Variants in UBE2E2 observed in about 807,000 individuals in gnomAD.
UBE2E2 encodes the protein ubiquitin-conjugating enzyme E2 E2.
A neutral mutation model predicts 24.7 loss-of-function variants in UBE2E2; 6 were observed. That is an observed-to-expected ratio of 0.24 (90% confidence interval 0.13 to 0.48). The LOEUF is 0.48. UBE2E2 is among the 20% of genes least tolerant of loss of function. The probability of loss-of-function intolerance (pLI) is 0.99; values close to 1 mark genes in which losing one functional copy is unlikely to be tolerated. For missense variants in UBE2E2, 169 were observed against 245.0 expected, an observed-to-expected ratio of 0.69 and a Z score of 2.07; for synonymous variants, 104 against 83.6, an observed-to-expected ratio of 1.24 and a Z score of -1.33.
chr3:23,546,935 C>G (rs1238242702), intron 5 of UBE2E2, among the ~76,000 whole-genome samples: 1 of 151,972 alleles, frequency 6.6e-6, no homozygotes. Flanking sequence ...AGTATATATG[C>G]CAGTTATACA....
intron 3 of UBE2E2, among the ~76,000 whole-genome samples, chr3:23,346,609 A>T (rs537522022): frequency 3.9e-5 from 6 of 152,312 alleles, no homozygotes; most frequent in Admixed American, 6.5e-5. Context: ...AATTAATAAG[A>T]TGTTCTCTTT....
At chr3:23,253,224 G>A (rs557989833) in intron 3 of UBE2E2, among the ~76,000 whole-genome samples, 2 of 152,282 alleles carry the variant, frequency 1.3e-5, no homozygotes, top group East Asian at 3.9e-4. Context: ...CTTTTAAAAA[G>A]TATGTCTTTG....
chr3:23,422,972 C>A (rs1212437502), intron 3 of UBE2E2, among the ~76,000 whole-genome samples: 1 of 152,162 alleles, frequency 6.6e-6, no homozygotes, highest in Admixed American at 6.5e-5. Flanking sequence ...ATCACCTTCC[C>A]ATACTAGGAA....
At chr3:23,397,698 G>A (rs1008504408) in intron 3 of UBE2E2, among the ~76,000 whole-genome samples, 26 of 152,072 alleles carry the variant, frequency 1.7e-4, no homozygotes, top group Admixed American at 6.6e-5. Flanking sequence ...CATGTTGTAG[G>A]GAACTGTAAT....
chr3:23,317,605 G>A (rs1694621015), intron 3 of UBE2E2, among the ~76,000 whole-genome samples: 1 of 152,210 alleles, frequency 6.6e-6, no homozygotes, highest in Non-Finnish European at 1.5e-5. Flanking sequence ...GCAAGGAGGA[G>A]TAAGTCACAT....
intron 3 of UBE2E2, among the ~76,000 whole-genome samples, chr3:23,241,588 A>G (rs956012065): frequency 5.3e-5 from 8 of 151,574 alleles, no homozygotes; most frequent in Admixed American, 2.6e-4. Flanking sequence ...ATTTCCTCAA[A>G]TGTCATCTCG....
rs192882974 is a variant in UBE2E2 at position 23,346,769 on chromosome 3, C to A, written c.227+129457C>A. On this transcript the variant is annotated intron_variant, in intron 3 of 5. Coordinates refer to ENST00000396703, the MANE Select transcript of UBE2E2 (RefSeq NM_152653.4). The stretch of plus-strand genomic sequence containing the variant: ...TTTCTACTCATTATAGAGTCATGAA[C>A]AACTATGGAAAAACACACTTTGTTG... Among the ~76,000 whole-genome samples, 48 of 152,250 alleles carry A rather than the reference C, an allele frequency of 3.2e-4. 1 individual carries two copies. In the South Asian group the frequency reaches 5.8e-3, roughly 18 times the overall value.
intron 3 of UBE2E2, among the ~76,000 whole-genome samples, chr3:23,399,436 C>T (rs368567461): frequency 6.6e-6 from 1 of 152,134 alleles, no homozygotes; most frequent in East Asian, 1.9e-4. Context: ...GGATGATTTA[C>T]GTCCTGTATG....
At chr3:23,419,874 C>A (rs1270647720) in intron 3 of UBE2E2, among the ~76,000 whole-genome samples, 1 of 152,184 alleles carries the variant, frequency 6.6e-6, no homozygotes, top group Non-Finnish European at 1.5e-5. Context: ...TCCCTTTCCT[C>A]TCTCTTGCTC....
chr3:23,484,238 AGCTTAATT>A (rs984306499), intron 3 of UBE2E2, among the ~76,000 whole-genome samples: 5 of 152,164 alleles, frequency 3.3e-5, no homozygotes, highest in African/African-American at 4.8e-5. Flanking sequence ...TTTCCAGCCC[AGCTTAATT>A]GCTTAATTGC....
intron 5 of UBE2E2, among the ~76,000 whole-genome samples, chr3:23,539,012 A>G (rs1274188211): frequency 6.6e-6 from 1 of 152,202 alleles, no homozygotes; most frequent in Admixed American, 6.5e-5. Flanking sequence ...GAGAAAGGAA[A>G]GCCAAAATTA....
intron 3 of UBE2E2, among the ~76,000 whole-genome samples, chr3:23,411,059 T>C (rs1390859681): frequency 1.3e-5 from 2 of 152,156 alleles, no homozygotes; most frequent in Admixed American, 6.6e-5. Flanking sequence ...AATACTATAA[T>C]GTGCTCTGGA....
chr3:23,271,644 A>C (rs1337307741), intron 3 of UBE2E2, among the ~76,000 whole-genome samples: 2 of 152,184 alleles, frequency 1.3e-5, no homozygotes, highest in Non-Finnish European at 2.9e-5. Flanking sequence ...CTAGACACAG[A>C]GTGCTGATTG....
rs549427692 is a variant in UBE2E2 at position 23,426,049 on chromosome 3, C to G, written c.228-73559C>G. On this transcript the variant is annotated intron_variant, in intron 3 of 5. Coordinates refer to ENST00000396703, the MANE Select transcript of UBE2E2 (RefSeq NM_152653.4). ...GCAATGTAAGCAGAGAGGTGGAATT[C>G]TAAGAAAGAATCAAAAAGAAATGCC... Among the ~76,000 whole-genome samples the G allele has an allele frequency of 4.6e-5, 7 of 151,964 alleles. No homozygotes were observed. In the South Asian group the frequency reaches 1.5e-3, roughly 32 times the overall value.
At chr3:23,356,703 C>G (rs2125327042) in intron 3 of UBE2E2, among the ~76,000 whole-genome samples, 1 of 152,230 alleles carries the variant, frequency 6.6e-6, no homozygotes, top group South Asian at 2.1e-4. Flanking sequence ...CATATCAATT[C>G]CAAGTAGTTT....
At chr3:23,342,146 A>G (rs2125310831) in intron 3 of UBE2E2, among the ~76,000 whole-genome samples, 1 of 152,168 alleles carries the variant, frequency 6.6e-6, no homozygotes, top group Non-Finnish European at 1.5e-5. Context: ...CTAGCTAAAA[A>G]GAGGATTTAA....
intron 3 of UBE2E2, among the ~76,000 whole-genome samples, chr3:23,435,649 G>C (rs1326054382): frequency 2.0e-5 from 3 of 152,170 alleles, no homozygotes; most frequent in Admixed American, 6.5e-5. Context: ...AAGAGGGTGG[G>C]GGTATCCCCT....
rs1331777382 is a variant in UBE2E2, at chr3:23,332,892, G to C, written c.227+115580G>C. Reference sequence around the variant, plus strand: ...ACCCAGCACTTTATAAGACTCCCTTGACACTTCTAAAAAGTGATGACAGGT... The same window carrying C: ...ACCCAGCACTTTATAAGACTCCCTTCACACTTCTAAAAAGTGATGACAGGT... On this transcript the variant is annotated intron_variant, in intron 3 of 5. Transcript: ENST00000396703. 3.9e-5 allele frequency among the ~76,000 whole-genome samples: 6 copies of C among 152,138 alleles called. No individual in the cohort carries two copies. The East Asian group carries it at 1.2e-3, about 29-fold the overall frequency.
At chr3:23,377,471 A>C (rs756387180) in intron 3 of UBE2E2, among the ~76,000 whole-genome samples, 1 of 152,216 alleles carries the variant, frequency 6.6e-6, no homozygotes, top group Non-Finnish European at 1.5e-5. Flanking sequence ...CAGGATTTGC[A>C]AAAGCCTTGA....
Sources: gnomAD v4.1 joint callset for allele counts (sites outside exome capture counted in the v4.1 genomes callset) on GRCh38, gnomAD v4.1.1 for gene constraint, MANE v1.5 for transcripts, NCBI Gene and HGNC (gene_info 2026-07-23, HGNC 2026-07-21) for gene names.